Variants in HELZ observed in about 807,000 individuals in gnomAD.
The protein encoded by HELZ is helicase with zinc finger.
In HELZ, 23 loss-of-function variants were observed where a neutral mutation model predicts 218.2. The observed-to-expected ratio is 0.11, with a 90% CI of 0.08 to 0.15. The LOEUF (loss-of-function observed/expected upper bound fraction) is 0.15. HELZ is among the 10% of genes least tolerant of loss of function. HELZ has a pLI of 1.00. For synonymous variants in HELZ, 814 were observed against 829.4 expected, an observed-to-expected ratio of 0.98 and a Z score of 0.32; for missense variants, 1,813 against 2,353.7, an observed-to-expected ratio of 0.77 and a Z score of 4.75.
At chr17:67,205,754 T>C (rs1031756038) in intron 5 of HELZ, among the ~76,000 whole-genome samples, 4 of 152,244 alleles carry the variant, frequency 2.6e-5, no homozygotes, top group African/African-American at 4.8e-5. Flanking sequence ...TTGTATGAGG[T>C]ATTTGCTGAA....
intron 7 of HELZ, among the ~76,000 whole-genome samples, chr17:67,198,104 G>GC (rs1567883868): frequency 6.6e-6 from 1 of 152,072 alleles, no homozygotes; most frequent in Non-Finnish European, 1.5e-5. Flanking sequence ...AAAATTAACT[G>GC]CAAGTAGGAA....
At chr17:67,082,870 T>G (rs915445318) in intron 32 of HELZ, among the ~76,000 whole-genome samples, 4 of 149,818 alleles carry the variant, frequency 2.7e-5, no homozygotes, top group Non-Finnish European at 5.9e-5. Flanking sequence ...GTTTTTTTTT[T>G]TTTTGAGATG....
At chr17:67,098,206 T>G (rs1280390830) in intron 31 of HELZ, among the ~76,000 whole-genome samples, 1 of 152,212 alleles carries the variant, frequency 6.6e-6, no homozygotes, top group Non-Finnish European at 1.5e-5. Flanking sequence ...AATAGAGATC[T>G]GAAGAGCAGT....
Position 67,215,074 on chromosome 17 carries a change from G to A in HELZ, c.247+825C>T, listed in dbSNP as rs1210032937. On this transcript the variant is annotated intron_variant, in intron 5 of 32. Transcript: ENST00000358691. Reference sequence around the variant, plus strand: ...CAGGAGGACTGCTTGAGCCTGGAAGGTAGAGGCTGCAGTGAGCTGTGATCA... The same window carrying A: ...CAGGAGGACTGCTTGAGCCTGGAAGATAGAGGCTGCAGTGAGCTGTGATCA... Among the ~76,000 whole-genome samples, 4 of 152,066 alleles carry A rather than the reference G, an allele frequency of 2.6e-5. No individual in the cohort carries two copies. The East Asian group carries it at 7.8e-4, about 29-fold the overall frequency.
At chr17:67,208,063 T>C (rs147542001) in intron 5 of HELZ, among the ~76,000 whole-genome samples, 1 of 152,168 alleles carries the variant, frequency 6.6e-6, no homozygotes, top group African/African-American at 2.4e-5. Flanking sequence ...AAAAAAGCCA[T>C]CTGAAAAGGT....
At chr17:67,228,622 A>G (rs985050471) in intron 3 of HELZ, among the ~76,000 whole-genome samples, 5 of 151,742 alleles carry the variant, frequency 3.3e-5, no homozygotes, top group Admixed American at 6.6e-5. Flanking sequence ...AGATCACCCC[A>G]CTGAACTCCA....
intron 17 of HELZ, among the ~76,000 whole-genome samples, chr17:67,154,405 G>A (rs2038778622): frequency 6.6e-6 from 1 of 152,000 alleles, no homozygotes; most frequent in South Asian, 2.1e-4. Context: ...CTCCAGCCTG[G>A]GTTACAGAGT....
Position 67,109,345 on chromosome 17 carries a change from A to T in HELZ, c.4260T>A (p.Ser1420=), listed in dbSNP as rs1409064514. The change falls in exon 29 of 33, where the codon TCT becomes TCA. Residue 1420 remains serine, a synonymous_variant. Coordinates refer to ENST00000358691, the MANE Select transcript of HELZ (RefSeq NM_014877.4). Reference sequence around the variant, plus strand: ...TGTTGGGTCCCGCCTGATATGCAGGAGAAAGCTGAGGAGGTGGCTGCTGAG... The same window carrying T: ...TGTTGGGTCCCGCCTGATATGCAGGTGAAAGCTGAGGAGGTGGCTGCTGAG... ...QQPQQPPPQL[S]PAYQAGPNNA... The T allele has an allele frequency of 3.7e-6, 6 of 1,614,062 alleles. No individual in the cohort carries two copies. Among genetic ancestry groups the T allele is most frequent in the Non-Finnish European group, 5.1e-6 (6 of 1,180,044 alleles).
intron 15 of HELZ, 64 bp from the exon 16 acceptor site, chr17:67,161,140 G>A (rs1323486670): frequency 2.9e-5 from 36 of 1,221,012 alleles, no homozygotes; most frequent in South Asian, 1.2e-4. Flanking sequence ...CATAACACAC[G>A]AGTATCGTGA....
intron 31 of HELZ, among the ~76,000 whole-genome samples, chr17:67,095,477 G>A (rs548422166): frequency 6.6e-6 from 1 of 152,300 alleles, no homozygotes; most frequent in East Asian, 1.9e-4. Context: ...GGGTCCAGGA[G>A]GTCAAGGCTG....
In HELZ at chr17:67,109,483, T is replaced by C; in HGVS notation, c.4122A>G (p.Pro1374=). The change falls in exon 29 of 33, where the codon CCA becomes CCG. Residue 1374 remains proline (P), a synonymous_variant. Coordinates refer to ENST00000358691, the MANE Select transcript of HELZ (RefSeq NM_014877.4). The stretch of plus-strand genomic sequence containing the variant: ...GCTGATTTAACAAGGTGTGCTGCTG[T>C]GGAATTGGAAAGGGTGGTCTTGGTA... ...PQLPRPPFPI[P]QQHTLLNQQQ... The C allele has an allele frequency of 6.2e-7, 1 of 1,613,986 alleles. No homozygotes were observed. Among genetic ancestry groups the C allele is most frequent in the South Asian group, 1.1e-5 (1 of 91,064 alleles).
At chr17:67,084,406 T>C (rs1309310171) in intron 32 of HELZ, among the ~76,000 whole-genome samples, 2 of 152,184 alleles carry the variant, frequency 1.3e-5, no homozygotes, top group Non-Finnish European at 2.9e-5. Flanking sequence ...CTCACGCCTG[T>C]AATCCCAGCA....
chr17:67,200,928 G>A, intron 7 of HELZ: 1 of 560,962 alleles, frequency 1.8e-6, no homozygotes, highest in Non-Finnish European at 3.2e-6. Context: ...GCACACAGAG[G>A]AGACATGTGG....
In HELZ at chr17:67,145,727, A is replaced by T; in HGVS notation, c.2769+16T>A. The T allele has an allele frequency of 1.3e-6, 2 of 1,579,224 alleles. No homozygotes were observed. The highest frequency in any genetic ancestry group is 1.7e-6 in the Non-Finnish European group (2 of 1,157,190). On this transcript the variant is annotated intron_variant, in intron 21 of 32. Transcript: ENST00000358691. Reference sequence around the variant, plus strand: ...ACTGAGAAAATGTTAACAATTTACAAAAAGAATTAAGGTACCTCTGCATTA... The same window carrying T: ...ACTGAGAAAATGTTAACAATTTACATAAAGAATTAAGGTACCTCTGCATTA...
At chr17:67,093,283 T>A (rs1196592743) in intron 31 of HELZ, among the ~76,000 whole-genome samples, 1 of 151,774 alleles carries the variant, frequency 6.6e-6, no homozygotes, top group Non-Finnish European at 1.5e-5. Context: ...TTCTTGCAGA[T>A]AAAATCAAGG....
rs757252934 is a variant in HELZ at position 67,203,290 on chromosome 17, G to A, written c.372+29C>T. Reference sequence around the variant, plus strand: ...GAATCAAATAAAAATTTGTTTTCAGGCATACAAAATTAGAGCTTATCAACA... The same window carrying A: ...GAATCAAATAAAAATTTGTTTTCAGACATACAAAATTAGAGCTTATCAACA... On this transcript the variant is annotated intron_variant, in intron 6 of 32. Transcript: ENST00000358691. The A allele has an allele frequency of 4.4e-6, 7 of 1,605,016 alleles. No homozygotes were observed. The East Asian group carries it at 1.3e-4, about 31-fold the overall frequency.
At position 67,109,366 on chromosome 17, in the gene HELZ, C is replaced by T; in HGVS notation, c.4239G>A (p.Gln1413=). ...CAGGAGAAAGCTGAGGAGGTGGCTG[C>T]TGAGGCTGCTGATTCAACTGACTTT... ...QQQSQLNQQP[Q]QPPPQLSPAY... is the part of the protein sequence containing the mutation. Residue 1413 remains glutamine, a synonymous_variant, in exon 29 of 33, where the codon CAG becomes CAA. Transcript: ENST00000358691. The T allele has an allele frequency of 6.2e-7, 1 of 1,614,142 alleles. No homozygotes were observed. The highest frequency in any genetic ancestry group is 8.5e-7 in the Non-Finnish European group (1 of 1,180,022).
intron 28 of HELZ, among the ~76,000 whole-genome samples, chr17:67,110,709 C>A (rs541180224): frequency 6.6e-6 from 1 of 152,146 alleles, no homozygotes; most frequent in Admixed American, 6.5e-5. Context: ...TTTCTTGGAA[C>A]ACAGTCACAC....
chr17:67,098,296 T>G (rs1371480706), intron 31 of HELZ, among the ~76,000 whole-genome samples: 2 of 152,242 alleles, frequency 1.3e-5, no homozygotes, highest in Non-Finnish European at 1.5e-5. Context: ...ACAAGTCCTT[T>G]AATATCTTTG....
Sources: gnomAD v4.1 joint callset for allele counts (sites outside exome capture counted in the v4.1 genomes callset) on GRCh38, gnomAD v4.1.1 for gene constraint, MANE v1.5 for transcripts, NCBI Gene and HGNC (gene_info 2026-07-23, HGNC 2026-07-21) for gene names.